CHLSN: variants seen among roughly 807,000 people sequenced by gnomAD.
CHLSN encodes protein cholesin.
At chr7:1,053,948 C>G in the CHLSN span, among the ~76,000 whole-genome samples, 1 of 152,246 alleles carries the variant, frequency 6.6e-6, no homozygotes, top group South Asian at 2.1e-4. Context: ...CCCAGGGACC[C>G]TGTTCCTACC....
chr7:1,115,509 G>A, the CHLSN span, among the ~76,000 whole-genome samples: 213 of 150,110 alleles, frequency 1.4e-3, 3 homozygotes, highest in Middle Eastern at 7.1e-3. Context: ...TCTACGGACC[G>A]GCTTCCATCA....
chr7:995,349 G>C, the CHLSN span, among the ~76,000 whole-genome samples: 6 of 152,238 alleles, frequency 3.9e-5, no homozygotes, highest in African/African-American at 1.4e-4. Flanking sequence ...CCTGACAGGA[G>C]AGCACTCCCC....
chr7:1,102,256 C>T, the CHLSN span, among the ~76,000 whole-genome samples: 3 of 152,278 alleles, frequency 2.0e-5, no homozygotes, highest in East Asian at 3.8e-4. Flanking sequence ...GCCCAGCACA[C>T]GGCTCTAGAG....
chr7:993,301 T>C, the CHLSN span, among the ~76,000 whole-genome samples: 1 of 152,084 alleles, frequency 6.6e-6, no homozygotes, highest in Admixed American at 6.5e-5. Context: ...AGGGCCTGAC[T>C]GTGACTGGAG....
the CHLSN span, chr7:1,021,318 C>T: frequency 1.0e-6 from 1 of 955,074 alleles, no homozygotes; most frequent in South Asian, 4.8e-5. Context: ...AGGTTTCTTT[C>T]TTCTTCCCCA....
At chr7:1,078,568 C>T in the CHLSN span, among the ~76,000 whole-genome samples, 2 of 151,706 alleles carry the variant, frequency 1.3e-5, no homozygotes, top group Admixed American at 1.3e-4. Context: ...ACAGGCGAGG[C>T]CTAACGCCCC....
chr7:1,035,535 G>A, the CHLSN span, among the ~76,000 whole-genome samples: 45 of 152,308 alleles, frequency 3.0e-4, no homozygotes, highest in Admixed American at 1.3e-3. Flanking sequence ...ATAAGCATGG[G>A]GCCAGACGCG....
chr7:1,017,876 G>A, the CHLSN span, among the ~76,000 whole-genome samples: 1 of 152,252 alleles, frequency 6.6e-6, no homozygotes, highest in African/African-American at 2.4e-5. Context: ...GCCTTGGTGG[G>A]ATGGCGCCTC....
chr7:1,119,442 T>G, the CHLSN span, among the ~76,000 whole-genome samples: 1 of 152,110 alleles, frequency 6.6e-6, no homozygotes, highest in East Asian at 1.9e-4. Context: ...ATCGAAATCT[T>G]AAGCGCCTCA....
the CHLSN span, among the ~76,000 whole-genome samples, chr7:1,088,589 G>C: frequency 2.0e-5 from 3 of 152,180 alleles, no homozygotes; most frequent in Non-Finnish European, 2.9e-5. This position sits in a 1 kb window ranked among gnomAD's most constrained non-coding sequence, Gnocchi z 4.5. Flanking sequence ...ATTCCGTCAC[G>C]TTCTGTCCCA....
the CHLSN span, among the ~76,000 whole-genome samples, chr7:1,130,791 C>T: frequency 6.6e-6 from 1 of 152,218 alleles, no homozygotes; most frequent in Non-Finnish European, 1.5e-5. Flanking sequence ...ACGCGGCATG[C>T]ACGCTGCTTC....
the CHLSN span, among the ~76,000 whole-genome samples, chr7:1,013,255 G>A: frequency 2.0e-5 from 3 of 152,244 alleles, no homozygotes; most frequent in African/African-American, 7.2e-5. Context: ...GGTTTCACTA[G>A]CAAATAAGAA....
At chr7:1,058,548 C>T in the CHLSN span, 1 of 755,450 alleles carries the variant, frequency 1.3e-6, no homozygotes, top group Non-Finnish European at 2.5e-6. Flanking sequence ...AGACGTGACT[C>T]TGGTGGACGC....
chr7:1,067,962 G>A, the CHLSN span, among the ~76,000 whole-genome samples: 2 of 152,296 alleles, frequency 1.3e-5, no homozygotes, highest in East Asian at 3.9e-4. Context: ...CACCAGGGAG[G>A]CTTCCCGCCT....
the CHLSN span, among the ~76,000 whole-genome samples, chr7:978,229 G>A: frequency 6.6e-5 from 10 of 152,258 alleles, no homozygotes; most frequent in African/African-American, 2.2e-4. Flanking sequence ...GTAAAAAGTG[G>A]GGAAGGGGCT....
the CHLSN span, chr7:1,080,772 C>T: frequency 6.6e-6 from 1 of 152,300 alleles, no homozygotes; most frequent in Non-Finnish European, 1.5e-5. Flanking sequence ...GACCTCATCC[C>T]TCTGACTCCG....
At chr7:1,071,794 G>A in the CHLSN span, among the ~76,000 whole-genome samples, 145 of 152,312 alleles carry the variant, frequency 9.5e-4, 1 homozygote, top group South Asian at 0.011. Context: ...GCATGCCTGC[G>A]GGCGACACCA....
the CHLSN span, among the ~76,000 whole-genome samples, chr7:1,109,040 C>T: frequency 2.4e-4 from 37 of 152,062 alleles, no homozygotes; most frequent in Admixed American, 2.2e-3. Context: ...GGATCACAGG[C>T]GCCCCACCAT....
the CHLSN span, among the ~76,000 whole-genome samples, chr7:1,006,468 AGGGAAAGAGCACACGACGGCCACAGCG>A: frequency 1.4e-5 from 2 of 144,728 alleles, no homozygotes; most frequent in South Asian, 2.2e-4. Context: ...GCCACAGCGC[AGGGAAAGAGCACACGACGGCCACAGCG>A]CAGGGAAAGA....
Sources: gnomAD v4.1 joint callset for allele counts (sites outside exome capture counted in the v4.1 genomes callset) on GRCh38, gnomAD v4.1.1 for gene constraint, Gnocchi (gnomAD v3.1) non-coding constraint, MANE v1.5 for transcripts, NCBI Gene and HGNC (gene_info 2026-07-23, HGNC 2026-07-21) for gene names.